WSCD2: variants seen among roughly 807,000 people sequenced by gnomAD.
The protein encoded by WSCD2 is WSC domain sialate O sulfotransferase 2.
In WSCD2, 28 loss-of-function variants were observed where a neutral mutation model predicts 55.7. The ratio of observed to expected loss-of-function variants is 0.50; its 90% CI spans 0.37 to 0.69. The LOEUF (loss-of-function observed/expected upper bound fraction) is 0.69. Ranked by LOEUF, WSCD2 falls within the 30% of genes least tolerant of loss-of-function variation. The probability of loss-of-function intolerance (pLI) is 0.00; values close to 1 mark genes in which losing one functional copy is unlikely to be tolerated. For synonymous variants in WSCD2, 301 were observed against 301.9 expected (o/e 1.00, Z 0.03); for missense variants, 616 against 762.1 (o/e 0.81, Z 2.26).
chr12:108,213,072 A>C (rs557762584), intron 4 of WSCD2, among the ~76,000 whole-genome samples: 7 of 152,320 alleles, frequency 4.6e-5, no homozygotes, highest in African/African-American at 1.7e-4. Context: ...GTATACAAAG[A>C]GAGTGCAGGG....
At chr12:108,174,637 T>C (rs1245061189) in intron 1 of WSCD2, among the ~76,000 whole-genome samples, 4 of 152,220 alleles carry the variant, frequency 2.6e-5, no homozygotes, top group African/African-American at 4.8e-5. Context: ...TCTTTAGAGA[T>C]AGGGTCTTTC....
intron 4 of WSCD2, among the ~76,000 whole-genome samples, chr12:108,221,910 C>T (rs2137149890): frequency 1.3e-5 from 2 of 152,296 alleles, no homozygotes; most frequent in Middle Eastern, 3.4e-3. Context: ...CAGGATAAAG[C>T]CAGAGACCCA....
intron 8 of WSCD2, chr12:108,244,498 T>C: frequency 1.4e-6 from 1 of 702,958 alleles, no homozygotes. Flanking sequence ...AACCAGTATT[T>C]ATTGAGCACC....
At chr12:108,188,725 T>C (rs1487084681) in intron 1 of WSCD2, among the ~76,000 whole-genome samples, 4 of 152,164 alleles carry the variant, frequency 2.6e-5, no homozygotes, top group African/African-American at 7.2e-5. Context: ...TGGCCATCCA[T>C]ATCTTCAGGC....
intron 1 of WSCD2, among the ~76,000 whole-genome samples, chr12:108,138,003 C>T (rs757662696): frequency 4.9e-4 from 74 of 152,174 alleles, no homozygotes; most frequent in Non-Finnish European, 7.9e-4. Flanking sequence ...CAGTGGCATC[C>T]GCTATACACT....
intron 8 of WSCD2, among the ~76,000 whole-genome samples, chr12:108,242,869 G>A (rs1889859894): frequency 6.6e-6 from 1 of 152,208 alleles, no homozygotes; most frequent in African/African-American, 2.4e-5. Flanking sequence ...GAACGGAGAG[G>A]CTGCAGGGAG....
At chr12:108,203,742 G>A (rs1016335247) in intron 2 of WSCD2, among the ~76,000 whole-genome samples, 5 of 152,200 alleles carry the variant, frequency 3.3e-5, no homozygotes, top group Admixed American at 1.3e-4. Context: ...AGCCGAATGT[G>A]CCTATCCTTA....
intron 2 of WSCD2, among the ~76,000 whole-genome samples, chr12:108,201,350 A>G (rs995969650): frequency 3.9e-5 from 6 of 152,046 alleles, no homozygotes; most frequent in Admixed American, 6.5e-5. Context: ...CTGTGTCTTC[A>G]TATAGCCATC....
At chr12:108,144,804 C>T (rs2136893405) in intron 1 of WSCD2, among the ~76,000 whole-genome samples, 1 of 152,276 alleles carries the variant, frequency 6.6e-6, no homozygotes, top group East Asian at 1.9e-4. Flanking sequence ...CTCCTTTACT[C>T]CCCCAGCAGC....
intron 1 of WSCD2, among the ~76,000 whole-genome samples, chr12:108,170,631 C>T (rs974113429): frequency 1.6e-4 from 24 of 152,280 alleles, no homozygotes; most frequent in African/African-American, 4.6e-4. Flanking sequence ...CTCAGTGACC[C>T]TATCTATAAA....
intron 7 of WSCD2, among the ~76,000 whole-genome samples, chr12:108,239,483 G>A (rs1889535590): frequency 6.6e-6 from 1 of 152,082 alleles, no homozygotes; most frequent in African/African-American, 2.4e-5. Flanking sequence ...CCCACCCCCA[G>A]GGCATGTCCT....
intron 1 of WSCD2, among the ~76,000 whole-genome samples, chr12:108,138,917 GC>G (rs1464355321): frequency 6.6e-6 from 1 of 152,214 alleles, no homozygotes; most frequent in Non-Finnish European, 1.5e-5. Flanking sequence ...GGGTAGCAAT[GC>G]CCCCTGGGAG....
chr12:108,200,632 A>C (rs1002036298), intron 2 of WSCD2, among the ~76,000 whole-genome samples: 9 of 152,120 alleles, frequency 5.9e-5, no homozygotes, highest in Non-Finnish European at 1.2e-4. Flanking sequence ...CCATTATAAC[A>C]CCTTTTCATT....
At chr12:108,148,921 C>T (rs1877678641) in intron 1 of WSCD2, among the ~76,000 whole-genome samples, 1 of 152,146 alleles carries the variant, frequency 6.6e-6, no homozygotes, top group Non-Finnish European at 1.5e-5. Context: ...AGATGTGGAG[C>T]TGGGCATGTC....
intron 1 of WSCD2, among the ~76,000 whole-genome samples, chr12:108,135,541 G>A (rs748685778): frequency 1.3e-5 from 2 of 152,106 alleles, no homozygotes; most frequent in Non-Finnish European, 2.9e-5. Flanking sequence ...TCCTCCTTAT[G>A]GTGGAGACGG....
In WSCD2 at chr12:108,248,476, T is replaced by C. The variant is rs377200318; in HGVS notation, c.*133T>C. On this transcript the variant is annotated 3_prime_UTR_variant, in exon 9 of 9. Coordinates refer to ENST00000547525, the MANE Select transcript of WSCD2 (RefSeq NM_014653.4). This position sits in a 1 kb window ranked among gnomAD's most constrained non-coding sequence, Gnocchi z 4.3. ...CAATCCCCTTGGCTGCTCTTTGCCT[T>C]CAATGAGTTTCCTGCATGACAGAGG... 21 of 1,436,196 alleles carry C rather than the reference T, an allele frequency of 1.5e-5. No homozygotes were observed. The African/African-American group carries it at 2.7e-4, about 19-fold the overall frequency. 89.0% of individuals were successfully genotyped at this position (1,436,196 alleles called of 1,614,324 possible).
At chr12:108,218,307 C>T (rs1279572558) in intron 4 of WSCD2, among the ~76,000 whole-genome samples, 2 of 150,740 alleles carry the variant, frequency 1.3e-5, no homozygotes, top group Non-Finnish European at 2.9e-5. Context: ...AGAGGAGAAA[C>T]AGAGTCGGGA....
chr12:108,191,969 C>G (rs965247287), intron 1 of WSCD2, among the ~76,000 whole-genome samples: 1 of 152,168 alleles, frequency 6.6e-6, no homozygotes, highest in Non-Finnish European at 1.5e-5. Context: ...CTCTTAAAGC[C>G]CCTTTCGCAC....
chr12:108,148,495 T>C (rs1877637800), intron 1 of WSCD2, among the ~76,000 whole-genome samples: 1 of 152,136 alleles, frequency 6.6e-6, no homozygotes. Context: ...TTGGAAACAG[T>C]TCAGTGATAG....
Sources: allele counts gnomAD v4.1 joint callset (sites outside exome capture counted in the v4.1 genomes callset), GRCh38; gene constraint gnomAD v4.1.1; non-coding constraint Gnocchi (gnomAD v3.1); transcripts MANE v1.5; gene names NCBI Gene and HGNC (gene_info 2026-07-23, HGNC 2026-07-21).